PCSK2: variants seen among roughly 807,000 people sequenced by gnomAD.
PCSK2 encodes the protein neuroendocrine convertase 2.
A neutral mutation model predicts 69.7 loss-of-function variants in PCSK2; 14 were observed. The ratio of observed to expected loss-of-function variants is 0.20; its 90% CI spans 0.13 to 0.31. PCSK2 has a LOEUF of 0.31. Among genes scored for constraint, PCSK2 ranks in the 10% least tolerant of loss-of-function variants. The pLI is 1.00. For synonymous variants in PCSK2, 307 were observed against 320.7 expected, an observed-to-expected ratio of 0.96 and a Z score of 0.46; for missense variants, 544 against 842.5, an observed-to-expected ratio of 0.65 and a Z score of 4.39.
intron 8 of PCSK2, among the ~76,000 whole-genome samples, chr20:17,452,586 G>A (rs2123379945): frequency 6.6e-6 from 1 of 152,308 alleles, no homozygotes; most frequent in African/African-American, 2.4e-5. Flanking sequence ...ACCACACAGG[G>A]AGAGACTTTC....
rs1159789829 is a variant in PCSK2 at position 17,483,200 on chromosome 20, A to G, written c.*1130A>G. 1 of 152,098 alleles carries G rather than the reference A, an allele frequency of 6.6e-6. No individual in the cohort carries two copies. The highest frequency in any genetic ancestry group is 2.4e-5 in the African/African-American group (1 of 41,410). 9.4% of individuals were successfully genotyped at this position (152,098 alleles called of 1,614,324 possible). A position where few individuals can be genotyped will look rare whatever the true frequency, so the allele number is the denominator to read the frequency against. ...TGAAAGGGGCACGTTTGAAGATGCG[A>G]GCGCTATCTTCACATAGTTCTCCAG... On this transcript the variant is annotated 3_prime_UTR_variant, in exon 12 of 12. Coordinates refer to ENST00000262545, the MANE Select transcript of PCSK2 (RefSeq NM_002594.5).
intron 7 of PCSK2, among the ~76,000 whole-genome samples, chr20:17,435,175 A>T (rs1600577401): frequency 6.6e-6 from 1 of 152,202 alleles, no homozygotes; most frequent in East Asian, 1.9e-4. Flanking sequence ...ATTCTTCTGG[A>T]CCTGTTATTT....
intron 1 of PCSK2, among the ~76,000 whole-genome samples, chr20:17,243,286 C>T (rs1427421187): frequency 2.0e-5 from 3 of 152,104 alleles, no homozygotes; most frequent in Non-Finnish European, 4.4e-5. Context: ...CAGCAGCCTC[C>T]AACTCCTGGG....
At chr20:17,295,319 G>A (rs944691761) in intron 2 of PCSK2, among the ~76,000 whole-genome samples, 8 of 151,732 alleles carry the variant, frequency 5.3e-5, no homozygotes, top group African/African-American at 1.9e-4. Flanking sequence ...CAAGGAGACT[G>A]GGCAGAGCCT....
chr20:17,404,947 C>T (rs1445932822), intron 5 of PCSK2, among the ~76,000 whole-genome samples: 1 of 152,198 alleles, frequency 6.6e-6, no homozygotes, highest in African/African-American at 2.4e-5. Flanking sequence ...TCCGATACAA[C>T]TTTACTTACA....
At chr20:17,409,616 T>C (rs546120361) in intron 6 of PCSK2, among the ~76,000 whole-genome samples, 6 of 152,250 alleles carry the variant, frequency 3.9e-5, no homozygotes, top group African/African-American at 1.4e-4. Flanking sequence ...AAGAAGTTCT[T>C]TCTCAACCCA....
At chr20:17,274,344 C>A (rs1383623316) in intron 2 of PCSK2, among the ~76,000 whole-genome samples, 1 of 152,150 alleles carries the variant, frequency 6.6e-6, no homozygotes, top group Admixed American at 6.5e-5. Flanking sequence ...TGACCTTCTG[C>A]AATAGGGCCT....
intron 2 of PCSK2, among the ~76,000 whole-genome samples, chr20:17,299,468 C>A (rs892458678): frequency 3.3e-5 from 5 of 151,960 alleles, no homozygotes; most frequent in African/African-American, 9.7e-5. Flanking sequence ...TTTTAACAAC[C>A]ATATTTTTAA....
intron 6 of PCSK2, among the ~76,000 whole-genome samples, chr20:17,411,496 T>TAA (rs201526720): frequency 2.6e-5 from 4 of 151,244 alleles, no homozygotes; most frequent in African/African-American, 9.7e-5. Context: ...CTTGAGTAGG[T>TAA]AAAAAAAAGC....
intron 1 of PCSK2, among the ~76,000 whole-genome samples, chr20:17,227,817 G>GC (rs1266161841): frequency 3.3e-5 from 5 of 152,196 alleles, no homozygotes; most frequent in Admixed American, 6.5e-5. Context: ...GAGGGATGAA[G>GC]CCCTGAACAG....
intron 2 of PCSK2, among the ~76,000 whole-genome samples, chr20:17,327,981 G>A (rs1374053158): frequency 6.6e-6 from 1 of 152,082 alleles, no homozygotes; most frequent in Non-Finnish European, 1.5e-5. Context: ...TTTGCTAAGC[G>A]GCTGTGTTTG....
intron 1 of PCSK2, among the ~76,000 whole-genome samples, chr20:17,233,597 T>G (rs1986223684): frequency 6.6e-6 from 1 of 152,174 alleles, no homozygotes; most frequent in Non-Finnish European, 1.5e-5. Context: ...ACTGGCTAGT[T>G]GCTCTAGAGA....
chr20:17,252,048 T>C (rs1176601625), intron 1 of PCSK2, among the ~76,000 whole-genome samples: 1 of 152,186 alleles, frequency 6.6e-6, no homozygotes, highest in Non-Finnish European at 1.5e-5. Context: ...GTCAGGACTT[T>C]AAGAGCAAGT....
intron 2 of PCSK2, among the ~76,000 whole-genome samples, chr20:17,302,460 T>G (rs1989117398): frequency 6.6e-6 from 1 of 152,238 alleles, no homozygotes; most frequent in South Asian, 2.1e-4. Flanking sequence ...CTCATTTTTC[T>G]TCTTACTGAA....
chr20:17,302,219 A>T (rs989983887), intron 2 of PCSK2, among the ~76,000 whole-genome samples: 1 of 152,056 alleles, frequency 6.6e-6, no homozygotes, highest in Non-Finnish European at 1.5e-5. Context: ...ATTTTTCTTA[A>T]TCTTCGAATT....
intron 5 of PCSK2, among the ~76,000 whole-genome samples, chr20:17,404,619 G>T (rs1045307626): frequency 6.6e-6 from 1 of 152,196 alleles, no homozygotes. Context: ...TCCCAACAAG[G>T]TAGTCAGCCT....
intron 2 of PCSK2, among the ~76,000 whole-genome samples, chr20:17,327,243 T>C (rs1474019087): frequency 9.9e-5 from 15 of 152,102 alleles, no homozygotes; most frequent in Non-Finnish European, 1.6e-4. Context: ...CCCCGACAAA[T>C]GCATGCACAA....
chr20:17,343,579 G>C (rs1990568476), intron 2 of PCSK2, among the ~76,000 whole-genome samples: 1 of 152,232 alleles, frequency 6.6e-6, no homozygotes. Flanking sequence ...TAGAACTTGT[G>C]AATATGTTAT....
chr20:17,429,671 G>C (rs1439775500), intron 7 of PCSK2, 148 bp downstream of exon 7: 1 of 528,982 alleles, frequency 1.9e-6, no homozygotes, highest in Non-Finnish European at 3.4e-6. Flanking sequence ...CTTTTAACCT[G>C]CATAACAATA....
Sources: gnomAD v4.1 joint callset for allele counts (sites outside exome capture counted in the v4.1 genomes callset) on GRCh38, gnomAD v4.1.1 for gene constraint, MANE v1.5 for transcripts, NCBI Gene and HGNC (gene_info 2026-07-23, HGNC 2026-07-21) for gene names.